CFAP20DC: variants seen among roughly 807,000 people sequenced by gnomAD.
CFAP20DC encodes the protein protein CFAP20DC.
In CFAP20DC, 84 loss-of-function variants were observed where a neutral mutation model predicts 101.7. That is an observed-to-expected ratio of 0.83 (90% CI 0.69 to 0.99). The LOEUF is 0.99. Among genes scored for constraint, CFAP20DC ranks in the 50% least tolerant of loss-of-function variants. The pLI, the probability that CFAP20DC is intolerant of heterozygous loss-of-function variation, is 0.00. For synonymous variants in CFAP20DC, 359 were observed against 351.2 expected (o/e 1.02, Z -0.25); for missense variants, 1,007 against 970.3 (o/e 1.04, Z -0.50).
chr3:58,869,707 A>G lies in CFAP20DC; in HGVS notation c.853-217T>C, dbSNP rs2079980658. ...AATAGAAGACATGCAAGTCTCCTAG[A>G]CACATAAATTAAAATGTGCTTATTT... On this transcript the variant is annotated intron_variant, in intron 8 of 16. Coordinates refer to ENST00000482387, the MANE Select transcript of CFAP20DC (RefSeq NM_001394063.1). The surrounding 1 kb of genome is among the most constrained non-coding windows in gnomAD (Gnocchi z 4.3). 6.6e-6 allele frequency among the ~76,000 whole-genome samples: 1 copy of G among 152,232 alleles called. No homozygotes were observed. The highest frequency in any genetic ancestry group is 1.5e-5 in the Non-Finnish European group (1 of 68,034).
intron 5 of CFAP20DC, among the ~76,000 whole-genome samples, chr3:58,928,979 T>C (rs1026047340): frequency 6.6e-6 from 1 of 152,148 alleles, no homozygotes; most frequent in Non-Finnish European, 1.5e-5. Context: ...GGAAGACAGA[T>C]GAATTGAAAA....
chr3:58,916,792 CAT>C (rs2084781706), intron 5 of CFAP20DC, among the ~76,000 whole-genome samples: 2 of 152,118 alleles, frequency 1.3e-5, no homozygotes, highest in African/African-American at 4.8e-5. Context: ...TTCCAATACT[CAT>C]ATGCTTCAAC....
At position 59,007,389 on chromosome 3, in the gene CFAP20DC, C is replaced by A. The variant is rs567669483; in HGVS notation, c.278+32168G>T. Among the ~76,000 whole-genome samples the A allele has an allele frequency of 6.6e-6, 1 of 152,180 alleles. No homozygotes were observed. The highest frequency in any genetic ancestry group is 2.1e-4 in the South Asian group (1 of 4,828). ...ATCTCCCTTCTACTACTGCAGCTGG[C>A]GCTCTCTGGAAAGCACCACCTCCTG... On this transcript the variant is annotated intron_variant, in intron 4 of 16. Coordinates refer to ENST00000482387, the MANE Select transcript of CFAP20DC (RefSeq NM_001394063.1). This position sits in a 1 kb window ranked among gnomAD's most constrained non-coding sequence, Gnocchi z 4.4.
At chr3:58,998,370 T>C (rs1378233685) in intron 4 of CFAP20DC, among the ~76,000 whole-genome samples, 2 of 152,192 alleles carry the variant, frequency 1.3e-5, no homozygotes, top group East Asian at 3.8e-4. Flanking sequence ...GTTTACTCGT[T>C]TGTAAATGGG....
At chr3:58,723,801 T>C (rs1371875265) in intron 3 of CFAP20DC, among the ~76,000 whole-genome samples, 1 of 152,232 alleles carries the variant, frequency 6.6e-6, no homozygotes, top group Non-Finnish European at 1.5e-5. Context: ...GCCTGGCATG[T>C]GGCATATTCA....
At chr3:58,881,974 G>A (rs2081261244) in intron 7 of CFAP20DC, among the ~76,000 whole-genome samples, 1 of 152,082 alleles carries the variant, frequency 6.6e-6, no homozygotes, top group Non-Finnish European at 1.5e-5. Flanking sequence ...GTCAAAATCA[G>A]CAATTGAAAA....
chr3:58,779,919 G>T (rs2071668973), intron 15 of CFAP20DC, among the ~76,000 whole-genome samples: 1 of 152,016 alleles, frequency 6.6e-6, no homozygotes, highest in African/African-American at 2.4e-5. Flanking sequence ...AGTAAAAAAT[G>T]TCAAAAATCA....
intron 15 of CFAP20DC, among the ~76,000 whole-genome samples, chr3:58,780,248 T>C (rs1345700597): frequency 6.6e-6 from 1 of 152,056 alleles, no homozygotes; most frequent in Non-Finnish European, 1.5e-5. Context: ...GAAAGAACAA[T>C]TACTATTGTC....
At chr3:58,828,415 G>T (rs550076646) in intron 14 of CFAP20DC, among the ~76,000 whole-genome samples, 1 of 152,186 alleles carries the variant, frequency 6.6e-6, no homozygotes, top group South Asian at 2.1e-4. Context: ...GAGGCACAGA[G>T]ATGTTAGGGG....
intron 4 of CFAP20DC, among the ~76,000 whole-genome samples, chr3:59,034,110 A>T (rs1302771643): frequency 1.3e-5 from 2 of 152,220 alleles, no homozygotes. Flanking sequence ...TCATAAGCAA[A>T]GGAGAAATAA....
At chr3:59,000,280 C>G (rs1441340259) in intron 4 of CFAP20DC, among the ~76,000 whole-genome samples, 1 of 152,152 alleles carries the variant, frequency 6.6e-6, no homozygotes, top group Non-Finnish European at 1.5e-5. Flanking sequence ...TACCCTCCAT[C>G]TGCATGAGAT....
At chr3:58,924,524 C>G (rs2085737650) in intron 5 of CFAP20DC, among the ~76,000 whole-genome samples, 1 of 152,016 alleles carries the variant, frequency 6.6e-6, no homozygotes, top group Non-Finnish European at 1.5e-5. Flanking sequence ...GTGAATAGTT[C>G]TGTAATAAAC....
At chr3:58,909,455 T>C (rs1314603303) in intron 6 of CFAP20DC, among the ~76,000 whole-genome samples, 1 of 152,206 alleles carries the variant, frequency 6.6e-6, no homozygotes, top group Non-Finnish European at 1.5e-5. Flanking sequence ...TCTACACTTC[T>C]AACATTAATT....
chr3:58,904,700 T>C (rs1455761495), intron 6 of CFAP20DC, among the ~76,000 whole-genome samples: 1 of 152,190 alleles, frequency 6.6e-6, no homozygotes, highest in African/African-American at 2.4e-5. Flanking sequence ...TTGAATTCCA[T>C]CTTGTGTGAC....
intron 16 of CFAP20DC, among the ~76,000 whole-genome samples, chr3:58,745,688 A>G (rs929200162): frequency 1.3e-5 from 2 of 152,238 alleles, no homozygotes; most frequent in Non-Finnish European, 1.5e-5. Flanking sequence ...ATAATAAATC[A>G]TGAACTATAG....
chr3:58,932,297 T>C (rs2086822732), intron 5 of CFAP20DC, among the ~76,000 whole-genome samples: 3 of 152,152 alleles, frequency 2.0e-5, no homozygotes, highest in African/African-American at 2.4e-5. Context: ...CTACGTTTGA[T>C]TGGTGTACCT....
At chr3:58,984,497 GA>G (rs2092687573) in intron 4 of CFAP20DC, among the ~76,000 whole-genome samples, 1 of 152,182 alleles carries the variant, frequency 6.6e-6, no homozygotes, top group African/African-American at 2.4e-5. Flanking sequence ...TAATGACATG[GA>G]AAGAGATGCC....
At chr3:58,995,188 G>C (rs935327933) in intron 4 of CFAP20DC, among the ~76,000 whole-genome samples, 1 of 152,074 alleles carries the variant, frequency 6.6e-6, no homozygotes, top group African/African-American at 2.4e-5. Flanking sequence ...AGGAGATACA[G>C]TTGCACAAAG....
chr3:58,767,045 C>G (rs141629211), intron 15 of CFAP20DC, among the ~76,000 whole-genome samples: 1 of 152,124 alleles, frequency 6.6e-6, no homozygotes, highest in Non-Finnish European at 1.5e-5. Context: ...TGATGAATGT[C>G]GCAACCCCAT....
Sources: gnomAD v4.1 joint callset for allele counts (sites outside exome capture counted in the v4.1 genomes callset) on GRCh38, gnomAD v4.1.1 for gene constraint, Gnocchi (gnomAD v3.1) non-coding constraint, MANE v1.5 for transcripts, NCBI Gene and HGNC (gene_info 2026-07-23, HGNC 2026-07-21) for gene names.